The following CNBD1 variants were observed in gnomAD, a reference collection of about 807,000 sequenced individuals.
CNBD1 encodes the protein cyclic nucleotide binding domain containing 1, also known as cyclic nucleotide-binding domain-containing protein 1.
In CNBD1, 71 loss-of-function variants were observed where a neutral mutation model predicts 54.4. The ratio of observed to expected loss-of-function variants is 1.30; its 90% CI spans 1.08 to 1.59. CNBD1 has a LOEUF of 1.59. CNBD1 is among the 40% of genes most tolerant of loss of function. The pLI, the probability that CNBD1 is intolerant of heterozygous loss-of-function variation, is 0.00. For synonymous variants in CNBD1, 182 were observed against 170.7 expected (o/e 1.07, Z -0.51); for missense variants, 659 against 518.0 (o/e 1.27, Z -2.64).
intron 2 of CNBD1, among the ~76,000 whole-genome samples, chr8:87,395,515 T>C (rs1811392975): frequency 6.6e-6 from 1 of 151,856 alleles, no homozygotes. Context: ...TAGTTCTGAG[T>C]ATAATAGAAG....
At chr8:87,246,931 T>C (rs1012163876) in intron 6 of CNBD1, among the ~76,000 whole-genome samples, 1 of 152,054 alleles carries the variant, frequency 6.6e-6, no homozygotes, top group Admixed American at 6.6e-5. Context: ...CCTGAGCTTG[T>C]TTTCCTGGAA....
chr8:87,253,412 A>G (rs1405129955), intron 6 of CNBD1, among the ~76,000 whole-genome samples: 1 of 152,158 alleles, frequency 6.6e-6, no homozygotes, highest in Non-Finnish European at 1.5e-5. Context: ...CTCCTGTCAG[A>G]TGGCCCTGTC....
chr8:87,284,634 G>A, intron 6 of CNBD1, 44 bp from the exon 7 acceptor site: 1 of 1,529,966 alleles, frequency 6.5e-7, no homozygotes, highest in South Asian at 1.2e-5. Flanking sequence ...TTTTCATGTT[G>A]ATGAGTGGTA....
At chr8:87,214,060 C>T (rs1202196932) in intron 5 of CNBD1, among the ~76,000 whole-genome samples, 1 of 152,210 alleles carries the variant, frequency 6.6e-6, no homozygotes, top group East Asian at 1.9e-4. Context: ...CACACTGATA[C>T]AAGAGGTGGG....
At chr8:87,403,348 T>G (rs930291918) in intron 2 of CNBD1, among the ~76,000 whole-genome samples, 1 of 152,002 alleles carries the variant, frequency 6.6e-6, no homozygotes, top group Admixed American at 6.6e-5. Flanking sequence ...CTGAAATATA[T>G]GGCACTTGTC....
intron 5 of CNBD1, among the ~76,000 whole-genome samples, chr8:87,209,696 A>G (rs1407346485): frequency 1.3e-5 from 2 of 152,180 alleles, no homozygotes; most frequent in Non-Finnish European, 2.9e-5. Flanking sequence ...ATGGAACCAC[A>G]AAAGAACCCA....
intron 4 of CNBD1, among the ~76,000 whole-genome samples, chr8:87,131,606 T>C (rs1427730719): frequency 6.6e-6 from 1 of 152,120 alleles, no homozygotes; most frequent in African/African-American, 2.4e-5. Context: ...TATAATATGC[T>C]ATTTTTTATA....
chr8:87,183,605 C>T (rs1170563322), intron 4 of CNBD1, among the ~76,000 whole-genome samples: 4 of 152,128 alleles, frequency 2.6e-5, no homozygotes, highest in Non-Finnish European at 2.9e-5. Flanking sequence ...AGAAGACACT[C>T]TGGCTTTTAG....
chr8:87,110,452 C>G (rs1457874524), intron 4 of CNBD1, among the ~76,000 whole-genome samples: 1 of 152,106 alleles, frequency 6.6e-6, no homozygotes, highest in Non-Finnish European at 1.5e-5. Context: ...TACACGCTGC[C>G]TCCAACATCC....
chr8:87,163,708 TG>T lies in CNBD1; in HGVS notation c.432-42284del, dbSNP rs1812904727. Among the ~76,000 whole-genome samples the T allele has an allele frequency of 2.6e-5, 4 of 151,934 alleles. No individual in the cohort carries two copies. The highest frequency in any genetic ancestry group is 7.2e-5 in the African/African-American group (3 of 41,434). On this transcript the variant is annotated intron_variant, in intron 4 of 10. Coordinates refer to ENST00000518476, the MANE Select transcript of CNBD1 (RefSeq NM_173538.3). This position sits in a 1 kb window ranked among gnomAD's most constrained non-coding sequence, Gnocchi z 4.5. Reference sequence around the variant, plus strand: ...TGCTTATTAGTTCTAACAGTTTTTTTGTTGGCGTCTTTAGGGTTTTTTTTAA... The same window carrying T: ...TGCTTATTAGTTCTAACAGTTTTTTTTTGGCGTCTTTAGGGTTTTTTTTAA...
chr8:86,961,204 A>G (rs1402664052), intron 4 of CNBD1, among the ~76,000 whole-genome samples: 2 of 152,218 alleles, frequency 1.3e-5, no homozygotes, highest in African/African-American at 2.4e-5. Context: ...AACCCTAGCC[A>G]TAAGATAGCA....
chr8:87,028,902 C>T (rs1225711262), intron 4 of CNBD1, among the ~76,000 whole-genome samples: 1 of 152,206 alleles, frequency 6.6e-6, no homozygotes, highest in Admixed American at 6.5e-5. Flanking sequence ...ATTTTCTCTG[C>T]AACAAGGTGT....
intron 4 of CNBD1, among the ~76,000 whole-genome samples, chr8:87,081,279 G>A (rs1323356404): frequency 6.6e-6 from 1 of 151,874 alleles, no homozygotes; most frequent in Admixed American, 6.6e-5. Context: ...ATTTAGAAGT[G>A]TTTAATTTTT....
chr8:87,248,778 T>G (rs1403600777), intron 6 of CNBD1, among the ~76,000 whole-genome samples: 1 of 152,178 alleles, frequency 6.6e-6, no homozygotes, highest in East Asian at 1.9e-4. Context: ...AAAGAAATCT[T>G]CCAGTGACAT....
At chr8:86,885,933 C>T (rs555169576) in intron 1 of CNBD1, among the ~76,000 whole-genome samples, 3 of 152,270 alleles carry the variant, frequency 2.0e-5, no homozygotes, top group South Asian at 2.1e-4. Context: ...TTTAATCCTT[C>T]TATTCTTTGC....
At chr8:87,042,033 C>T (rs1810082813) in intron 4 of CNBD1, among the ~76,000 whole-genome samples, 1 of 152,120 alleles carries the variant, frequency 6.6e-6, no homozygotes, top group African/African-American at 2.4e-5. Flanking sequence ...GGTTTACCAT[C>T]TGATTTGTGG....
intron 4 of CNBD1, among the ~76,000 whole-genome samples, chr8:87,113,986 T>A (rs1180160293): frequency 6.6e-6 from 1 of 152,070 alleles, no homozygotes; most frequent in Non-Finnish European, 1.5e-5. Flanking sequence ...CAAAATAAAT[T>A]AATGTCATAA....
At chr8:87,348,024 A>G (rs1243120246) in intron 8 of CNBD1, among the ~76,000 whole-genome samples, 2 of 152,170 alleles carry the variant, frequency 1.3e-5, no homozygotes, top group African/African-American at 4.8e-5. Context: ...ACTGTTTTCC[A>G]AATCACACAT....
At chr8:87,088,057 A>T (rs560049882) in intron 4 of CNBD1, among the ~76,000 whole-genome samples, 1 of 152,360 alleles carries the variant, frequency 6.6e-6, no homozygotes, top group Admixed American at 6.5e-5. Flanking sequence ...TACTGCAGTA[A>T]TACATTGATG....
Sources: gnomAD v4.1 joint callset for allele counts (sites outside exome capture counted in the v4.1 genomes callset) on GRCh38, gnomAD v4.1.1 for gene constraint, Gnocchi (gnomAD v3.1) non-coding constraint, MANE v1.5 for transcripts, NCBI Gene and HGNC (gene_info 2026-07-23, HGNC 2026-07-21) for gene names.